The following DST variants were observed in gnomAD, a reference collection of about 807,000 sequenced individuals.
DST encodes the protein bullous pemphigoid antigen.
In DST, 253 loss-of-function variants were observed where a neutral mutation model predicts 875.2. That is an observed-to-expected ratio of 0.29 (90% CI 0.26 to 0.32). The LOEUF is 0.32. DST is among the 10% of genes least tolerant of loss of function. DST has a pLI of 1.00. For missense variants in DST, 8,287 were observed against 9,111.6 expected, an observed-to-expected ratio of 0.91 and a Z score of 3.68; for synonymous variants, 3,124 against 3,197.1, an observed-to-expected ratio of 0.98 and a Z score of 0.77.
chr6:56,565,696 C>T (rs2097663914), intron 55 of DST, among the ~76,000 whole-genome samples: 1 of 152,200 alleles, frequency 6.6e-6, no homozygotes, highest in Admixed American at 6.5e-5. Context: ...CTTGAGATGG[C>T]AGTCTGTTCC....
intron 47 of DST, among the ~76,000 whole-genome samples, chr6:56,596,484 C>A (rs776989374): frequency 6.6e-6 from 1 of 152,200 alleles, no homozygotes; most frequent in Admixed American, 6.5e-5. Context: ...GGTCAACTTA[C>A]TAACTTTTCC....
At chr6:56,625,788 A>G (rs1181589227) in intron 34 of DST, among the ~76,000 whole-genome samples, 1 of 152,006 alleles carries the variant, frequency 6.6e-6, no homozygotes, top group Non-Finnish European at 1.5e-5. Flanking sequence ...GGTCCTTCAG[A>G]AAGTATTCCA....
chr6:56,651,272 G>T, intron 10 of DST, 28 bp from the exon 11 acceptor site: 1 of 1,418,658 alleles, frequency 7.0e-7, no homozygotes, highest in Non-Finnish European at 9.7e-7. Context: ...GTGTTAATTA[G>T]GTTTTCTCAT....
rs1210353839 is a variant in DST, at chr6:56,517,204, T to G, written c.18351A>C (p.Ser6117=). 9.3e-6 allele frequency: 15 copies of G among 1,611,460 alleles called. No individual in the cohort carries two copies. Among genetic ancestry groups the G allele is most frequent in the Non-Finnish European group, 1.2e-5 (14 of 1,177,936 alleles). Residue 6117 remains serine, a synonymous_variant, in exon 71 of 104, where the codon TCA becomes TCC. Transcript: ENST00000680361. ...MTACSEEEKQ[S]MKKKLDKVLK... ...TCCACAGACAAGATTATACCTTCAT[T>G]GATTGCTTTTCCTCTTCACTGCATG... is the stretch of plus-strand genomic sequence containing the variant.
At position 56,605,718 on chromosome 6, in the gene DST, TG is replaced by T; in HGVS notation, c.8909del (p.Pro2970GlnfsTer3). The T allele has an allele frequency of 6.2e-7, 1 of 1,612,958 alleles. No homozygotes were observed. The highest frequency in any genetic ancestry group is 8.5e-7 in the Non-Finnish European group (1 of 1,179,378). ...KVKLIQGSELPELTDSVKGKD... is the reference protein window; with the variant it reads ...KVKLIQGSELXELTDSVKGKD... ...TACCTTTCACAGAATCAGTCAATTC[TG>T]GCAATTCTGACCCTTGAATCAACTT... On this transcript the variant is annotated frameshift_variant, in exon 40 of 104. Transcript: ENST00000680361. LOFTEE classifies it high-confidence loss of function.
At chr6:56,879,472 G>GA (rs34105940) in intron 3 of DST, among the ~76,000 whole-genome samples, 32,209 of 139,900 alleles carry the variant, frequency 0.23, 3,697 homozygotes, top group African/African-American at 0.31. Context: ...CTTCGTCTCG[G>GA]AAAAAAAAAA....
At chr6:56,466,954 G>C (rs1324733035) in intron 98 of DST, 1 of 152,052 alleles carries the variant, frequency 6.6e-6, no homozygotes, top group African/African-American at 2.4e-5. Flanking sequence ...TCTTTTTCTT[G>C]CCCTTTCAAT....
At chr6:56,779,477 G>A (rs1409614120) in intron 4 of DST, among the ~76,000 whole-genome samples, 1 of 151,956 alleles carries the variant, frequency 6.6e-6, no homozygotes, top group Non-Finnish European at 1.5e-5. Flanking sequence ...TGTCCTGAAT[G>A]GTATTGTCTA....
chr6:56,772,759 G>A (rs1028068894), intron 4 of DST, among the ~76,000 whole-genome samples: 6 of 152,124 alleles, frequency 3.9e-5, no homozygotes, highest in Non-Finnish European at 7.3e-5. Context: ...GTCCTTCAGA[G>A]TCATTGTGAT....
chr6:56,877,512 TGCCGCTGTACTCCA>T (rs1347007173), intron 3 of DST, among the ~76,000 whole-genome samples: 2 of 152,210 alleles, frequency 1.3e-5, no homozygotes, highest in Non-Finnish European at 2.9e-5. Context: ...GCAAAGATTG[TGCCGCTGTACTCCA>T]GCCTGGGTGA....
chr6:56,863,631 T>G (rs1772456112), intron 3 of DST, among the ~76,000 whole-genome samples: 1 of 152,138 alleles, frequency 6.6e-6, no homozygotes, highest in South Asian at 2.1e-4. Flanking sequence ...GCTTGGGTGT[T>G]TTTTCTCCTC....
In DST at chr6:56,552,733, T is replaced by C. The variant is rs773675349; in HGVS notation, c.16059A>G (p.Leu5353=). The C allele has an allele frequency of 1.2e-6, 2 of 1,612,008 alleles. No individual in the cohort carries two copies. The highest frequency in any genetic ancestry group is 1.6e-4 in the Middle Eastern group (1 of 6,062). ...CTTGAGCTATGGTTTCCACTTGTAA[T>C]AAAACATCAGAGGTTCCCTTTGAGT... The part of the protein sequence containing the change: ...ASDSKGTSDV[L]LQVETIAQEH... The change falls in exon 61 of 104, where the codon TTA becomes TTG. Residue 5353 remains leucine, a synonymous_variant. Coordinates refer to ENST00000680361, the MANE Select transcript of DST (RefSeq NM_001374736.1).
intron 4 of DST, among the ~76,000 whole-genome samples, chr6:56,823,151 CCTGGGACAACA>C (rs1205260531): frequency 6.6e-6 from 1 of 151,924 alleles, no homozygotes. Context: ...CAAAGAACAC[CCTGGGACAACA>C]CTATTCTCTG....
rs1438133277 is a variant in DST at position 56,552,123 on chromosome 6, T to C, written c.16608+61A>G. ...TCTACAAAATAGGCAATCTCCTTTC[T>C]AAGCAAATTAGAAACTTCATTGACA... On this transcript the variant is annotated intron_variant, in intron 61 of 103. Transcript: ENST00000680361. 4.6e-6 allele frequency: 7 copies of C among 1,506,326 alleles called. No individual in the cohort carries two copies. The Admixed American group carries it at 9.0e-5, about 19-fold the overall frequency. The allele number at this position is 1,506,326 out of a possible 1,614,324, so 93.3% of individuals were successfully genotyped here.
At chr6:56,482,318 A>G in intron 89 of DST, 140 bp from the exon 90 acceptor site, 2 of 966,332 alleles carry the variant, frequency 2.1e-6, no homozygotes, top group South Asian at 5.9e-5. Flanking sequence ...TACTCCCATT[A>G]AGAAGATAGA....
chr6:56,706,313 C>CAAA (rs201903761), intron 5 of DST, among the ~76,000 whole-genome samples: 5 of 119,696 alleles, frequency 4.2e-5, no homozygotes, highest in African/African-American at 1.6e-4. Flanking sequence ...GACTCCGTCT[C>CAAA]AAAAAAAAAA....
Position 56,629,250 on chromosome 6 carries a change from C to T in DST, c.4475G>A (p.Arg1492Lys). The T allele has an allele frequency of 1.2e-6, 2 of 1,613,542 alleles. No homozygotes were observed. Among genetic ancestry groups the T allele is most frequent in the South Asian group, 2.2e-5 (2 of 91,068 alleles). The change falls in exon 32 of 104, where the codon AGG becomes AAG. Residue 1492 changes from arginine (R) to lysine (K), a missense_variant and splice_region_variant. Around this residue, in one of 10 missense-constraint regions of DST, gnomAD observed 3,138 missense variants for 3,116.6 expected, o/e 1.01. Transcript: ENST00000680361. ...WQNVHVQIDN[R>K]LRDLEGIGKS... ...AAACTGAACAAAAAAGGATACTAAC[C>T]TGTTGTCAATCTGCACATGAACATT... is the stretch of plus-strand genomic sequence containing the variant.
At chr6:56,918,507 AT>A (rs1234477973) in intron 2 of DST, among the ~76,000 whole-genome samples, 1 of 152,098 alleles carries the variant, frequency 6.6e-6, no homozygotes, top group Non-Finnish European at 1.5e-5. Flanking sequence ...GGACATTTTA[AT>A]TTTTTTCCAG....
Position 56,608,109 on chromosome 6 carries a change from A to G in DST, c.6519T>C (p.Val2173=). 1 of 1,613,708 alleles carries G rather than the reference A, an allele frequency of 6.2e-7. No individual in the cohort carries two copies. Among genetic ancestry groups the G allele is most frequent in the Non-Finnish European group, 8.5e-7 (1 of 1,179,768 alleles). Residue 2173 remains valine, a synonymous_variant, in exon 40 of 104, where the codon GTT becomes GTC. Transcript: ENST00000680361. ...LSFCKFQPST[V]HDYRQEEDVF... ...CATCCTCTTCTTGTCTGTAATCATGAACTGTGGAGGGTTGAAATTTACAAA... is the reference window on the plus strand; with the variant it reads ...CATCCTCTTCTTGTCTGTAATCATGGACTGTGGAGGGTTGAAATTTACAAA...
Sources: allele counts gnomAD v4.1 joint callset (sites outside exome capture counted in the v4.1 genomes callset), GRCh38; gene constraint gnomAD v4.1.1; regional missense constraint gnomAD v4.1.1; transcripts MANE v1.5; gene names NCBI Gene and HGNC (gene_info 2026-07-23, HGNC 2026-07-21).